EPHX1: variants seen among roughly 807,000 people sequenced by gnomAD.
EPHX1 encodes epoxide hydrolase 1, also known as epoxide hydratase.
In EPHX1, 40 loss-of-function variants were observed where a neutral mutation model predicts 43.2. The ratio of observed to expected loss-of-function variants is 0.93; its 90% CI spans 0.72 to 1.21. EPHX1 has a LOEUF of 1.21. EPHX1 is among the 50% of genes most tolerant of loss of function. The pLI is 0.00. For synonymous variants in EPHX1, 221 were observed against 226.7 expected (o/e 0.98, Z 0.22); for missense variants, 550 against 570.4 (o/e 0.96, Z 0.36).
chr1:225,844,839 C>T (rs550711978), intron 8 of EPHX1, among the ~76,000 whole-genome samples: 8 of 152,264 alleles, frequency 5.3e-5, no homozygotes, highest in South Asian at 2.1e-4. Flanking sequence ...CCCTCAGTAC[C>T]GCTCCCCAGT....
chr1:225,815,514 A>G (rs1666686666), intron 1 of EPHX1, among the ~76,000 whole-genome samples: 1 of 151,516 alleles, frequency 6.6e-6, no homozygotes, highest in Non-Finnish European at 1.5e-5. Flanking sequence ...CAGCCTCCCA[A>G]AGTACTGGGA....
intron 1 of EPHX1, among the ~76,000 whole-genome samples, chr1:225,822,564 C>T (rs999636478): frequency 6.6e-6 from 1 of 152,174 alleles, no homozygotes; most frequent in African/African-American, 2.4e-5. Flanking sequence ...CATGGTGTCT[C>T]CTAAACTTTG....
intron 3 of EPHX1, among the ~76,000 whole-genome samples, chr1:225,832,975 G>T (rs1262372979): frequency 6.6e-6 from 1 of 152,128 alleles, no homozygotes; most frequent in Non-Finnish European, 1.5e-5. Flanking sequence ...CACTCTGTGG[G>T]TTGCCATACA....
At chr1:225,824,032 G>A (rs1036200951) in intron 1 of EPHX1, among the ~76,000 whole-genome samples, 10 of 152,196 alleles carry the variant, frequency 6.6e-5, no homozygotes, top group East Asian at 1.9e-4. Flanking sequence ...CTGCCTGGGC[G>A]GTGGGCATCT....
Position 225,842,415 on chromosome 1 carries a change from G to C in EPHX1, c.981G>C (p.Glu327Asp). Residue 327 changes from glutamate to aspartate, a missense_variant, in exon 7 of 9, where the codon GAG (glutamate) becomes GAC (aspartate). Physicochemically the swap from Glu to Asp is conservative, Grantham distance 45. Transcript: ENST00000272167. ...TGGGTCTGGCTGCCTATATTCTAGA[G>C]AAGTTTTCCACCTGGACCAATACGG... The part of the protein sequence containing the change: ...SPVGLAAYIL[E>D]KFSTWTNTEF... The C allele has an allele frequency of 6.2e-7, 1 of 1,614,200 alleles. No homozygotes were observed. Among genetic ancestry groups the C allele is most frequent in the Non-Finnish European group, 8.5e-7 (1 of 1,180,012 alleles).
chr1:225,821,099 T>A (rs1236916177), intron 1 of EPHX1, among the ~76,000 whole-genome samples: 1 of 152,232 alleles, frequency 6.6e-6, no homozygotes, highest in African/African-American at 2.4e-5. Flanking sequence ...AGAGTTCATT[T>A]GAACTTTAAG....
intron 1 of EPHX1, among the ~76,000 whole-genome samples, chr1:225,826,407 G>A (rs1267133186): frequency 7.4e-6 from 1 of 134,650 alleles, no homozygotes; most frequent in African/African-American, 2.8e-5. Context: ...AAGTTGCAGT[G>A]AGCCGAGATC....
intron 3 of EPHX1, among the ~76,000 whole-genome samples, chr1:225,836,681 G>T (rs1006573977): frequency 6.6e-6 from 1 of 152,196 alleles, no homozygotes; most frequent in African/African-American, 2.4e-5. Context: ...AGTGAAGTAA[G>T]CCAGGGACAG....
chr1:225,838,411 C>T (rs954686638), intron 3 of EPHX1, among the ~76,000 whole-genome samples: 3 of 152,100 alleles, frequency 2.0e-5, no homozygotes, highest in East Asian at 3.9e-4. Context: ...CTAAGGAAAC[C>T]GGGAGGCAAT....
intron 4 of EPHX1, 124 bp from the exon 5 acceptor site, chr1:225,839,093 T>C: frequency 1.3e-6 from 2 of 1,512,586 alleles, no homozygotes; most frequent in Non-Finnish European, 1.8e-6. Flanking sequence ...TTCTTGCCTC[T>C]GTGAGCTTTT....
At position 225,842,429 on chromosome 1, in the gene EPHX1, G is replaced by C. The variant is rs1347558163; in HGVS notation, c.995G>C (p.Trp332Ser). 1.2e-6 allele frequency: 2 copies of C among 1,614,118 alleles called. No homozygotes were observed. The highest frequency in any genetic ancestry group is 1.7e-6 in the Non-Finnish European group (2 of 1,179,950). ...TATATTCTAGAGAAGTTTTCCACCT[G>C]GACCAATACGGAATTCCGATACCTG... ...AAYILEKFST[W>S]TNTEFRYLED... Residue 332 changes from tryptophan to serine, a missense_variant, in exon 7 of 9, where the codon TGG (tryptophan) becomes TCG (serine). By Grantham distance (177) the Trp-to-Ser change is radical. Coordinates refer to ENST00000272167, the MANE Select transcript of EPHX1 (RefSeq NM_001136018.4).
At chr1:225,844,313 A>G (rs540215648) in intron 7 of EPHX1, among the ~76,000 whole-genome samples, 185 bp from the exon 8 acceptor site, 2 of 152,202 alleles carry the variant, frequency 1.3e-5, no homozygotes, top group East Asian at 1.9e-4. Flanking sequence ...AACTAAATCC[A>G]TGCGCTCCAG....
rs531327467 is a variant in EPHX1 at position 225,817,661 on chromosome 1, C to T, written c.-6+7492C>T. 3.9e-5 allele frequency among the ~76,000 whole-genome samples: 6 copies of T among 152,342 alleles called. No individual in the cohort carries two copies. The South Asian group carries it at 1.2e-3, about 32-fold the overall frequency. On this transcript the variant is annotated intron_variant, in intron 1 of 8. Coordinates refer to ENST00000272167, the MANE Select transcript of EPHX1 (RefSeq NM_001136018.4). This position sits in a 1 kb window ranked among gnomAD's most constrained non-coding sequence, Gnocchi z 5.7. ...CTTTCCTCCCCAAAGTGGCAGACTTCCCCCAGGAGAAGCACTGGCTTTTCA... is the reference window on the plus strand; with the variant it reads ...CTTTCCTCCCCAAAGTGGCAGACTTTCCCCAGGAGAAGCACTGGCTTTTCA...
intron 1 of EPHX1, among the ~76,000 whole-genome samples, chr1:225,827,685 C>T (rs997921653): frequency 7.9e-5 from 12 of 152,176 alleles, no homozygotes; most frequent in African/African-American, 2.4e-4. Context: ...GGAGTTTCTC[C>T]GTGCCGATGA....
In EPHX1 at chr1:225,831,899, G is replaced by T. The variant is rs780874102; in HGVS notation, c.304G>T (p.Asp102Tyr). ...CATCTCCTACTGGCGGAATGAATTT[G>T]ACTGGAAGAAGCAGGTGGAGATTCT... ...KVISYWRNEFDWKKQVEILNR... is the reference protein window; with the variant it reads ...KVISYWRNEFYWKKQVEILNR... Residue 102 changes from aspartate (D) to tyrosine (Y), a missense_variant, in exon 3 of 9, where the codon GAC becomes TAC. Transcript: ENST00000272167. The T allele has an allele frequency of 2.5e-6, 4 of 1,614,120 alleles. No individual in the cohort carries two copies. The highest frequency in any genetic ancestry group is 1.1e-5 in the South Asian group (1 of 91,080).
At position 225,830,560 on chromosome 1, in the gene EPHX1, G is replaced by A. The variant is rs45625834; in HGVS notation, c.184-1219G>A. ...GCTCACTGCAACCTCCGCCTCCTGGGTTCAAGCGATTCTCCTGCCTCAGCC... is the reference window on the plus strand; with the variant it reads ...GCTCACTGCAACCTCCGCCTCCTGGATTCAAGCGATTCTCCTGCCTCAGCC... On this transcript the variant is annotated intron_variant, in intron 2 of 8. Transcript: ENST00000272167. Among the ~76,000 whole-genome samples, 912 of 152,254 alleles carry A rather than the reference G, an allele frequency of 6.0e-3. 13 individuals carry two copies. The highest frequency in any genetic ancestry group is 0.021 in the African/African-American group (865 of 41,536).
In EPHX1 at chr1:225,817,580, G is replaced by A. The variant is rs905113137; in HGVS notation, c.-6+7411G>A. 6.6e-6 allele frequency among the ~76,000 whole-genome samples: 1 copy of A among 152,158 alleles called. No individual in the cohort carries two copies. The highest frequency in any genetic ancestry group is 1.5e-5 in the Non-Finnish European group (1 of 68,026). ...CCAAGCCCACCTACCTCTCTGGCCT[G>A]GCATCTGAGGGGCAGGTCATGCCAT... On this transcript the variant is annotated intron_variant, in intron 1 of 8. Transcript: ENST00000272167. The surrounding 1 kb of genome is among the most constrained non-coding windows in gnomAD (Gnocchi z 5.7).
In EPHX1 at chr1:225,817,379, C is replaced by CT. The variant is rs1002598362; in HGVS notation, c.-6+7211dup. On this transcript the variant is annotated intron_variant, in intron 1 of 8. Transcript: ENST00000272167. The surrounding 1 kb of genome is among the most constrained non-coding windows in gnomAD (Gnocchi z 5.7). The stretch of plus-strand genomic sequence containing the variant: ...AGTTCACAGCAGGAACGCTCCCAGG[C>CT]TCCCATCCTGCGTCCGCTTGGCAGG... Among the ~76,000 whole-genome samples the CT allele has an allele frequency of 6.6e-6, 1 of 152,216 alleles. No individual in the cohort carries two copies. The highest frequency in any genetic ancestry group is 2.4e-5 in the African/African-American group (1 of 41,462).
chr1:225,828,829 TGGG>T lies in EPHX1; in HGVS notation c.103_105del (p.Gly35del). The stretch of plus-strand genomic sequence containing the variant: ...AACTTTGCCACTTGAAGATGGGTGG[TGGG>T]GGCCAGGCACGAGGTCCGCAGCCAG... On this transcript the variant is annotated inframe_deletion, in exon 2 of 9. Coordinates refer to ENST00000272167, the MANE Select transcript of EPHX1 (RefSeq NM_001136018.4). 1 of 1,612,940 alleles carries T rather than the reference TGGG, an allele frequency of 6.2e-7. No individual in the cohort carries two copies. The highest frequency in any genetic ancestry group is 8.5e-7 in the Non-Finnish European group (1 of 1,179,650).
Sources: allele counts gnomAD v4.1 joint callset (sites outside exome capture counted in the v4.1 genomes callset), GRCh38; gene constraint gnomAD v4.1.1; non-coding constraint Gnocchi (gnomAD v3.1); transcripts MANE v1.5; gene names NCBI Gene and HGNC (gene_info 2026-07-23, HGNC 2026-07-21).